BCAS3: variants seen among roughly 807,000 people sequenced by gnomAD.
The protein encoded by BCAS3 is BCAS4/BCAS3 fusion.
In BCAS3, 53 loss-of-function variants were observed where a neutral mutation model predicts 116.1. The ratio of observed to expected loss-of-function variants is 0.46; its 90% CI spans 0.37 to 0.57. The LOEUF (loss-of-function observed/expected upper bound fraction) is 0.57. Among genes scored for constraint, BCAS3 ranks in the 20% least tolerant of loss-of-function variants. The probability of loss-of-function intolerance (pLI) is 0.00; values close to 1 mark genes in which losing one functional copy is unlikely to be tolerated. For synonymous variants in BCAS3, 391 were observed against 408.2 expected (o/e 0.96, Z 0.51); for missense variants, 917 against 1,165.4 (o/e 0.79, Z 3.10).
At position 61,368,298 on chromosome 17, in the gene BCAS3, C is replaced by T; in HGVS notation, c.2426-29C>T. 1 of 1,565,072 alleles carries T rather than the reference C, an allele frequency of 6.4e-7. No individual in the cohort carries two copies. Among genetic ancestry groups the T allele is most frequent in the Non-Finnish European group, 8.7e-7 (1 of 1,146,450 alleles). ...GGCCTGCTCCCTGAAGGTGTGGACT[C>T]AACGTCAGATGTCCCGTGTGTGCCA... On this transcript the variant is annotated intron_variant, in intron 22 of 23. Coordinates refer to ENST00000407086, the MANE Select transcript of BCAS3 (RefSeq NM_017679.5). The surrounding 1 kb of genome is among the most constrained non-coding windows in gnomAD (Gnocchi z 6.0).
chr17:61,369,121 A>G (rs3785843), intron 23 of BCAS3, among the ~76,000 whole-genome samples: 122,244 of 152,212 alleles, frequency 0.8, 52,584 homozygotes, highest in Non-Finnish European at 0.95. Flanking sequence ...ACATGCACTC[A>G]GGAAAGCCAC....
intron 14 of BCAS3, among the ~76,000 whole-genome samples, 160 bp downstream of exon 14, chr17:60,947,512 G>A (rs536093083): frequency 6.2e-4 from 95 of 152,202 alleles, no homozygotes; most frequent in Non-Finnish European, 1.2e-3. Context: ...ATTCCGTTTT[G>A]ACCCAGTAAA....
At chr17:61,255,661 A>G (rs977838264) in intron 22 of BCAS3, among the ~76,000 whole-genome samples, 21 of 152,284 alleles carry the variant, frequency 1.4e-4, no homozygotes, top group Middle Eastern at 3.4e-3. Flanking sequence ...ATTGAGTGAC[A>G]CTTCTCCATC....
Position 60,910,553 on chromosome 17 carries a change from A to G in BCAS3, c.844A>G (p.Met282Val), listed in dbSNP as rs1173987549. 1.2e-6 allele frequency: 2 copies of G among 1,607,146 alleles called. No individual in the cohort carries two copies. Among genetic ancestry groups the G allele is most frequent in the South Asian group, 1.1e-5 (1 of 90,044 alleles). Residue 282 changes from methionine (M) to valine (V), a missense_variant, in exon 12 of 24, where the codon ATG (methionine) becomes GTG (valine). This residue lies in a region of BCAS3 where 807 missense variants were observed against 1,026.0 expected (regional missense o/e 0.79). Transcript: ENST00000407086. ...ACAGACATTGAAAAGTGGCCTGACA[A>G]TGGTAGGGAAAGTGGTGACTCAGCT... The part of the protein sequence containing the change: ...AAKTLKSGLT[M>V]VGKVVTQLTG...
rs1216831372 is a variant in BCAS3, at chr17:61,228,718, C to T, written c.2426-139609C>T. 6.6e-6 allele frequency among the ~76,000 whole-genome samples: 1 copy of T among 152,234 alleles called. No homozygotes were observed. Among genetic ancestry groups the T allele is most frequent in the Non-Finnish European group, 1.5e-5 (1 of 68,040 alleles). ...AATGTTTTGCGTTCTGACTGCTCCACTGACCAGTTGTTCCTCCATCTCTCT... is the reference window on the plus strand; with the variant it reads ...AATGTTTTGCGTTCTGACTGCTCCATTGACCAGTTGTTCCTCCATCTCTCT... On this transcript the variant is annotated intron_variant, in intron 22 of 23. Transcript: ENST00000407086. This position sits in a 1 kb window ranked among gnomAD's most constrained non-coding sequence, Gnocchi z 5.0.
intron 9 of BCAS3, among the ~76,000 whole-genome samples, chr17:60,878,493 G>A (rs1296174657): frequency 6.6e-6 from 1 of 151,994 alleles, no homozygotes; most frequent in Non-Finnish European, 1.5e-5. Context: ...TTGTTGATTT[G>A]GGTAATGCTG....
At chr17:60,741,979 G>A (rs554420047) in intron 5 of BCAS3, among the ~76,000 whole-genome samples, 1 of 152,082 alleles carries the variant, frequency 6.6e-6, no homozygotes, top group African/African-American at 2.4e-5. Context: ...ACTATATAAG[G>A]GACAGATATC....
chr17:60,947,152 C>G (rs188963834), intron 13 of BCAS3, 67 bp from the exon 14 acceptor site: 2 of 1,438,840 alleles, frequency 1.4e-6, no homozygotes. Context: ...TTGTGAATAG[C>G]TTTTTAGAAT....
chr17:61,301,081 C>G (rs982685700), intron 22 of BCAS3, among the ~76,000 whole-genome samples: 1 of 152,200 alleles, frequency 6.6e-6, no homozygotes, highest in Non-Finnish European at 1.5e-5. Flanking sequence ...GCTGTACTTT[C>G]AAAGTCAAAA....
At position 61,105,216 on chromosome 17, in the gene BCAS3, A is replaced by C. The variant is rs1181094642; in HGVS notation, c.2425+20652A>C. On this transcript the variant is annotated intron_variant, in intron 22 of 23. Coordinates refer to ENST00000407086, the MANE Select transcript of BCAS3 (RefSeq NM_017679.5). This position sits in a 1 kb window ranked among gnomAD's most constrained non-coding sequence, Gnocchi z 4.3. ...TTGGAAAACTGCCTTGCACCAGCCC[A>C]GTTTTCCACTCAGGTGGTTTACCCC... 6.6e-6 allele frequency among the ~76,000 whole-genome samples: 1 copy of C among 152,226 alleles called. No individual in the cohort carries two copies. The highest frequency in any genetic ancestry group is 2.4e-5 in the African/African-American group (1 of 41,460).
intron 5 of BCAS3, among the ~76,000 whole-genome samples, chr17:60,739,169 C>G (rs1458497807): frequency 6.6e-6 from 1 of 152,132 alleles, no homozygotes; most frequent in African/African-American, 2.4e-5. Flanking sequence ...ATAATTCTCT[C>G]TTGTTTCTTG....
chr17:61,372,323 T>G (rs1018520299), intron 23 of BCAS3, among the ~76,000 whole-genome samples: 2 of 152,182 alleles, frequency 1.3e-5, no homozygotes, highest in African/African-American at 4.8e-5. Flanking sequence ...CTCAGTCCTT[T>G]TCTTCTGTCG....
chr17:60,970,573 A>G (rs2061903635), intron 14 of BCAS3, among the ~76,000 whole-genome samples: 1 of 152,218 alleles, frequency 6.6e-6, no homozygotes, highest in South Asian at 2.1e-4. Flanking sequence ...AGAATTTAAG[A>G]CAAAGCCTAT....
chr17:60,958,530 T>C (rs923491681), intron 14 of BCAS3, among the ~76,000 whole-genome samples: 1 of 152,156 alleles, frequency 6.6e-6, no homozygotes, highest in South Asian at 2.1e-4. Context: ...CTAGAAAATA[T>C]TGCTCAGAGT....
rs1214204241 is a variant in BCAS3 at position 61,084,283 on chromosome 17, A to G, written c.2328-184A>G. ...TTAGAAGGGGTCCAGAGTGTAGAGAATATTTGTAGTGTTTTATCCTTGTGC... is the reference window on the plus strand; with the variant it reads ...TTAGAAGGGGTCCAGAGTGTAGAGAGTATTTGTAGTGTTTTATCCTTGTGC... On this transcript the variant is annotated intron_variant, in intron 21 of 23. Transcript: ENST00000407086. The surrounding 1 kb of genome is among the most constrained non-coding windows in gnomAD (Gnocchi z 5.5). Among the ~76,000 whole-genome samples, 1 of 152,138 alleles carries G rather than the reference A, an allele frequency of 6.6e-6. No homozygotes were observed. The highest frequency in any genetic ancestry group is 6.5e-5 in the Admixed American group (1 of 15,272).
Position 61,337,895 on chromosome 17 carries a change from G to T in BCAS3, c.2426-30432G>T, listed in dbSNP as rs145936435. On this transcript the variant is annotated intron_variant, in intron 22 of 23. Transcript: ENST00000407086. This position sits in a 1 kb window ranked among gnomAD's most constrained non-coding sequence, Gnocchi z 4.8. ...GATAGTTCTATCCCATTTTATAGTT[G>T]AGGAAACCAAGGCTCGGTGAGGTAA... is the stretch of plus-strand genomic sequence containing the variant. Among the ~76,000 whole-genome samples the T allele has an allele frequency of 6.6e-6, 1 of 152,222 alleles. No individual in the cohort carries two copies. The highest frequency in any genetic ancestry group is 1.9e-4 in the East Asian group (1 of 5,178).
At position 61,007,947 on chromosome 17, in the gene BCAS3, C is replaced by G. The variant is rs2064834212; in HGVS notation, c.1487-7804C>G. On this transcript the variant is annotated intron_variant, in intron 15 of 23. Coordinates refer to ENST00000407086, the MANE Select transcript of BCAS3 (RefSeq NM_017679.5). This position sits in a 1 kb window ranked among gnomAD's most constrained non-coding sequence, Gnocchi z 4.3. ...AGTTATAGGCAAAATGAATCAGTGC[C>G]CACACAGGATTGTCCTTCAGTATTT... Among the ~76,000 whole-genome samples the G allele has an allele frequency of 6.6e-6, 1 of 152,014 alleles. No homozygotes were observed. The highest frequency in any genetic ancestry group is 2.4e-5 in the African/African-American group (1 of 41,396).
At chr17:60,963,839 G>A (rs1233052796) in intron 14 of BCAS3, among the ~76,000 whole-genome samples, 1 of 152,180 alleles carries the variant, frequency 6.6e-6, no homozygotes, top group Non-Finnish European at 1.5e-5. Context: ...ACAGGCGTGA[G>A]CCACCACACC....
Position 61,307,577 on chromosome 17 carries a change from C to G in BCAS3, c.2426-60750C>G, listed in dbSNP as rs1409605946. Among the ~76,000 whole-genome samples, 1 of 152,198 alleles carries G rather than the reference C, an allele frequency of 6.6e-6. No homozygotes were observed. Among genetic ancestry groups the G allele is most frequent in the Non-Finnish European group, 1.5e-5 (1 of 68,030 alleles). On this transcript the variant is annotated intron_variant, in intron 22 of 23. Transcript: ENST00000407086. This position sits in a 1 kb window ranked among gnomAD's most constrained non-coding sequence, Gnocchi z 4.7. ...AAAATAGGAATAATCCCAATCTTCT[C>G]AATGAGATTTTACCAAAATAAATTA...
Sources: allele counts gnomAD v4.1 joint callset (sites outside exome capture counted in the v4.1 genomes callset), GRCh38; gene constraint gnomAD v4.1.1; regional missense constraint gnomAD v4.1.1; non-coding constraint Gnocchi (gnomAD v3.1); transcripts MANE v1.5; gene names NCBI Gene and HGNC (gene_info 2026-07-23, HGNC 2026-07-21).